The following AMBN variants were observed in gnomAD, a reference collection of about 807,000 sequenced individuals.
AMBN encodes enamel matrix protein.
In AMBN, 54 loss-of-function variants were observed where a neutral mutation model predicts 48.0. That is an observed-to-expected ratio of 1.12 (90% CI 0.90 to 1.41). The LOEUF is 1.41. AMBN is among the 40% of genes most tolerant of loss of function. The pLI, the probability that AMBN is intolerant of heterozygous loss-of-function variation, is 0.00. For missense variants in AMBN, 571 were observed against 547.3 expected (o/e 1.04, Z -0.43); for synonymous variants, 186 against 190.0 (o/e 0.98, Z 0.17).
intron 2 of AMBN, among the ~76,000 whole-genome samples, chr4:70,593,818 T>C (rs1280756020): frequency 6.6e-6 from 1 of 150,666 alleles, no homozygotes; most frequent in East Asian, 1.9e-4. Flanking sequence ...TAAGCCAAGA[T>C]TGTGCCACTA....
chr4:70,601,657 ACTTC>A lies in AMBN; in HGVS notation c.531+7_531+10del. 6.2e-7 allele frequency: 1 copy of A among 1,613,158 alleles called. No homozygotes were observed. Among genetic ancestry groups the A allele is most frequent in the Non-Finnish European group, 8.5e-7 (1 of 1,179,346 alleles). On this transcript the variant is annotated splice_donor_5th_base_variant and intron_variant, in intron 6 of 12. Transcript: ENST00000322937. ...CAGATAAGCCACCAAAGCCTGAGGT[ACTTC>A]CTTTCTCTTGAAGTCAGATCAGAAT...
intron 1 of AMBN, 102 bp downstream of exon 1, chr4:70,592,475 T>A (rs1044201170): frequency 2.3e-6 from 3 of 1,290,034 alleles, no homozygotes; most frequent in East Asian, 4.8e-5. Context: ...TTGTCACCAG[T>A]AGCTGAATTA....
chr4:70,596,279 CAAAAA>C (rs36108778), intron 2 of AMBN, among the ~76,000 whole-genome samples: 1 of 117,294 alleles, frequency 8.5e-6, no homozygotes, highest in Non-Finnish European at 1.8e-5. Context: ...AACTTAGTCT[CAAAAA>C]AAAAAAAAAA....
At chr4:70,597,159 G>A in intron 3 of AMBN, 110 bp downstream of exon 3, 1 of 928,912 alleles carries the variant, frequency 1.1e-6, no homozygotes, top group Non-Finnish European at 1.6e-6. Flanking sequence ...GTTTGTGGCT[G>A]TTATCCTGAG....
rs538513467 is a variant in AMBN, at chr4:70,606,369, T to C, written c.983T>C (p.Met328Thr). 6.4e-5 allele frequency: 104 copies of C among 1,614,042 alleles called. No homozygotes were observed. Among genetic ancestry groups the C allele is most frequent in the Non-Finnish European group, 8.4e-5 (99 of 1,179,988 alleles). Reference sequence around the variant, plus strand: ...GAAGGAGGTGCACAAGGCTCCCCTATGCCGGAGGCCAACCCAGACAATCTA... The same window carrying C: ...GAAGGAGGTGCACAAGGCTCCCCTACGCCGGAGGCCAACCCAGACAATCTA... ...NEEGGAQGSP[M>T]PEANPDNLEN... Residue 328 changes from methionine (M) to threonine (T), a missense_variant, in exon 13 of 13, where the codon ATG (methionine) becomes ACG (threonine). Transcript: ENST00000322937.
At chr4:70,600,386 A>G (rs896292484) in intron 5 of AMBN, among the ~76,000 whole-genome samples, 1 of 152,152 alleles carries the variant, frequency 6.6e-6, no homozygotes, top group African/African-American at 2.4e-5. Flanking sequence ...TCTGTTAACC[A>G]TTATTGATTA....
At position 70,595,190 on chromosome 4, in the gene AMBN, C is replaced by CTTT. The variant is rs367866356; in HGVS notation, c.85-1791_85-1789dup. The stretch of plus-strand genomic sequence containing the variant: ...CATTTGTAATGCCTTTCCCTCTATT[C>CTTT]TTTTTTTTTTTTTTTTTTTTACAGT... On this transcript the variant is annotated intron_variant, in intron 2 of 12. Transcript: ENST00000322937. 8.8e-4 allele frequency among the ~76,000 whole-genome samples: 105 copies of CTTT among 119,044 alleles called. 2 individuals carry two copies. The highest frequency in any genetic ancestry group is 2.5e-3 in the South Asian group (9 of 3,584). 78.1% of individuals were successfully genotyped at this position (119,044 alleles called of 152,430 possible).
chr4:70,601,654 G>C lies in AMBN; in HGVS notation c.531G>C (p.Glu177Asp), dbSNP rs1189711678. The C allele has an allele frequency of 1.9e-6, 3 of 1,613,412 alleles. No homozygotes were observed. In the African/African-American group the frequency reaches 4.0e-5, roughly 22 times the overall value. The change falls in exon 6 of 13, where the codon GAG (glutamate) becomes GAC (aspartate). Residue 177 changes from glutamate (E) to aspartate (D), a missense_variant and splice_region_variant. Physicochemically the swap from Glu to Asp is conservative, Grantham distance 45. Transcript: ENST00000322937. ...CATCAGATAAGCCACCAAAGCCTGA[G>C]GTACTTCCTTTCTCTTGAAGTCAGA... The part of the protein sequence containing the change: ...VAPSDKPPKP[E>D]LPGVDFADPQ...
intron 5 of AMBN, 136 bp downstream of exon 5, chr4:70,599,782 G>A (rs1306678650): frequency 1.5e-5 from 8 of 549,988 alleles, no homozygotes; most frequent in East Asian, 6.0e-5. Flanking sequence ...CAAATAAATC[G>A]AAGCCTATAA....
intron 2 of AMBN, among the ~76,000 whole-genome samples, chr4:70,594,063 TG>T (rs917573035): frequency 3.3e-5 from 5 of 152,314 alleles, no homozygotes; most frequent in East Asian, 1.9e-4. Context: ...GAAATTTCTT[TG>T]AAAAAAATAC....
In AMBN at chr4:70,606,912, T is replaced by C. The variant is rs1361577225; in HGVS notation, c.*182T>C. On this transcript the variant is annotated 3_prime_UTR_variant, in exon 13 of 13. Coordinates refer to ENST00000322937, the MANE Select transcript of AMBN (RefSeq NM_016519.6). ...GGTCCCCTTCTTGCTTTCAATATCT[T>C]GTTGAAATAAAATGTGTCAATTGTC... 1 of 642,308 alleles carries C rather than the reference T, an allele frequency of 1.6e-6. No individual in the cohort carries two copies. Among genetic ancestry groups the C allele is most frequent in the Non-Finnish European group, 2.6e-6 (1 of 387,284 alleles). 39.8% of individuals were successfully genotyped at this position (642,308 alleles called of 1,614,324 possible).
At position 70,603,955 on chromosome 4, in the gene AMBN, T is replaced by G. The variant is rs1484311116; in HGVS notation, c.798+34T>G. 6 of 1,608,712 alleles carry G rather than the reference T, an allele frequency of 3.7e-6. No homozygotes were observed. The Admixed American group carries it at 8.3e-5, about 22-fold the overall frequency. Reference sequence around the variant, plus strand: ...TGTCTTCTAACTCTTCTTAAAATAGTGGCCAGGGAAGAACAGTCACTTATG... The same window carrying G: ...TGTCTTCTAACTCTTCTTAAAATAGGGGCCAGGGAAGAACAGTCACTTATG... On this transcript the variant is annotated intron_variant, in intron 12 of 12. Coordinates refer to ENST00000322937, the MANE Select transcript of AMBN (RefSeq NM_016519.6).
At chr4:70,599,768 G>A (rs149467865) in intron 5 of AMBN, 122 bp downstream of exon 5, 19 of 608,516 alleles carry the variant, frequency 3.1e-5, no homozygotes, top group South Asian at 6.4e-5. Context: ...AATTATTCTC[G>A]TGCCAAATAA....
At position 70,606,865 on chromosome 4, in the gene AMBN, G is replaced by C. The variant is rs1737672397; in HGVS notation, c.*135G>C. ...AAGCGCTAAGCATATATTAATAAATGCAAGTGGCTAGAAATAGTGTAGGTC... is the reference window on the plus strand; with the variant it reads ...AAGCGCTAAGCATATATTAATAAATCCAAGTGGCTAGAAATAGTGTAGGTC... On this transcript the variant is annotated 3_prime_UTR_variant, in exon 13 of 13. Coordinates refer to ENST00000322937, the MANE Select transcript of AMBN (RefSeq NM_016519.6). 1 of 981,912 alleles carries C rather than the reference G, an allele frequency of 1.0e-6. No individual in the cohort carries two copies. Among genetic ancestry groups the C allele is most frequent in the Non-Finnish European group, 1.5e-6 (1 of 681,288 alleles). The allele number at this position is 981,912 out of a possible 1,614,324, so 60.8% of individuals were successfully genotyped here.
At chr4:70,601,959 G>A in intron 6 of AMBN, 1 of 511,064 alleles carries the variant, frequency 2.0e-6, no homozygotes, top group East Asian at 5.2e-5. Context: ...AGAAGTCCAG[G>A]TTTCCTATCA....
chr4:70,596,908 C>G (rs1010641564), intron 2 of AMBN, 91 bp from the exon 3 acceptor site: 4 of 1,072,282 alleles, frequency 3.7e-6, no homozygotes, highest in Non-Finnish European at 4.1e-6. Context: ...CTCAGGTAGC[C>G]CGTATGTACT....
intron 4 of AMBN, 100 bp downstream of exon 4, chr4:70,598,503 C>T (rs1737440422): frequency 1.1e-6 from 1 of 942,318 alleles, no homozygotes; most frequent in African/African-American, 1.7e-5. Context: ...AGACAATATA[C>T]TAAAGATTGG....
At chr4:70,597,150 T>C in intron 3 of AMBN, 101 bp downstream of exon 3, 2 of 1,038,742 alleles carry the variant, frequency 1.9e-6, no homozygotes, top group Non-Finnish European at 2.8e-6. Context: ...TAGCCAGAAG[T>C]TTGTGGCTGT....
Position 70,596,997 on chromosome 4 carries a change from A to G in AMBN, c.85-2A>G. On this transcript the variant is annotated splice_acceptor_variant, in intron 2 of 12. Transcript: ENST00000322937. LOFTEE classifies it high-confidence loss of function. ...CTCAAAATTATTCTTATTTTCATTCAGTTCTTTCCTCAGCAATCTGGAACA... is the reference window on the plus strand; with the variant it reads ...CTCAAAATTATTCTTATTTTCATTCGGTTCTTTCCTCAGCAATCTGGAACA... 3.1e-6 allele frequency: 5 copies of G among 1,612,948 alleles called. No homozygotes were observed. The highest frequency in any genetic ancestry group is 3.4e-6 in the Non-Finnish European group (4 of 1,179,316).
Sources: gnomAD v4.1 joint callset for allele counts (sites outside exome capture counted in the v4.1 genomes callset) on GRCh38, gnomAD v4.1.1 for gene constraint, MANE v1.5 for transcripts, NCBI Gene and HGNC (gene_info 2026-07-23, HGNC 2026-07-21) for gene names.